ATRNL1: variants seen among roughly 807,000 people sequenced by gnomAD.
The protein encoded by ATRNL1 is attractin-like protein 1.
In ATRNL1, 95 loss-of-function variants were observed where a neutral mutation model predicts 182.7. That is an observed-to-expected ratio of 0.52 (90% CI 0.44 to 0.62). The LOEUF (loss-of-function observed/expected upper bound fraction) is 0.62, where lower values mean the gene tolerates loss of function less well. Ranked by LOEUF, ATRNL1 falls within the 20% of genes least tolerant of loss-of-function variation. The pLI is 0.00. For missense variants in ATRNL1, 1,471 were observed against 1,679.5 expected (o/e 0.88, Z 2.17); for synonymous variants, 576 against 568.3 (o/e 1.01, Z -0.19).
chr10:115,526,944 C>T (rs782764348), intron 25 of ATRNL1, among the ~76,000 whole-genome samples: 12 of 152,066 alleles, frequency 7.9e-5, no homozygotes, highest in Non-Finnish European at 1.2e-4. Context: ...TCAAAGGAGT[C>T]TTCCATCTCC....
chr10:115,580,895 C>T (rs1184051307), intron 26 of ATRNL1, among the ~76,000 whole-genome samples: 2 of 151,952 alleles, frequency 1.3e-5, no homozygotes, highest in Non-Finnish European at 2.9e-5. Flanking sequence ...CTGTTTGATG[C>T]ATTTTAATAT....
chr10:115,631,604 A>G (rs1213492225), intron 26 of ATRNL1, among the ~76,000 whole-genome samples: 2 of 152,110 alleles, frequency 1.3e-5, no homozygotes, highest in Non-Finnish European at 2.9e-5. Flanking sequence ...ACATAATTAT[A>G]TAAGCACATA....
intron 26 of ATRNL1, among the ~76,000 whole-genome samples, chr10:115,562,834 C>T (rs1030188069): frequency 4.6e-5 from 7 of 152,160 alleles, no homozygotes; most frequent in Admixed American, 4.6e-4. Context: ...ATGTCTTGCA[C>T]AAATTGGGCT....
intron 8 of ATRNL1, among the ~76,000 whole-genome samples, chr10:115,189,484 A>G (rs1170007116): frequency 6.6e-6 from 1 of 152,156 alleles, no homozygotes; most frequent in Non-Finnish European, 1.5e-5. Flanking sequence ...GAAGACAGTG[A>G]TACTGATGAT....
At chr10:115,840,107 A>G (rs1950769183) in intron 27 of ATRNL1, among the ~76,000 whole-genome samples, 1 of 152,170 alleles carries the variant, frequency 6.6e-6, no homozygotes, top group Non-Finnish European at 1.5e-5. Context: ...TCGGCAGCAT[A>G]TAATGCTTAC....
At chr10:115,261,506 CA>C (rs1422937764) in intron 10 of ATRNL1, among the ~76,000 whole-genome samples, 2 of 151,710 alleles carry the variant, frequency 1.3e-5, no homozygotes, top group Non-Finnish European at 2.9e-5. Context: ...GATGTCTTTA[CA>C]AAGTAAATGA....
Position 115,866,803 on chromosome 10 carries a change from A to C in ATRNL1, c.4018+18812A>C, listed in dbSNP as rs559135913. ...ACAAGGGATTTTAAAGAGTAATTCAAAGATCAAACATGATTTTTATCTTTT... is the reference window on the plus strand; with the variant it reads ...ACAAGGGATTTTAAAGAGTAATTCACAGATCAAACATGATTTTTATCTTTT... On this transcript the variant is annotated intron_variant, in intron 28 of 28. Transcript: ENST00000355044. Among the ~76,000 whole-genome samples the C allele has an allele frequency of 1.6e-3, 247 of 152,332 alleles. 9 individuals are homozygous for C. In the South Asian group the frequency reaches 0.049, roughly 30 times the overall value.
At chr10:115,562,804 C>T (rs1853834422) in intron 26 of ATRNL1, among the ~76,000 whole-genome samples, 1 of 152,192 alleles carries the variant, frequency 6.6e-6, no homozygotes, top group South Asian at 2.1e-4. Flanking sequence ...GTCAATTAAG[C>T]CGCTTTACCA....
At chr10:115,632,908 T>TATTTTA (rs1858609270) in intron 26 of ATRNL1, among the ~76,000 whole-genome samples, 4 of 151,538 alleles carry the variant, frequency 2.6e-5, no homozygotes, top group South Asian at 2.1e-4. Context: ...TATTTTATTT[T>TATTTTA]TTGAGACAGA....
At chr10:115,731,599 A>G (rs1947799065) in intron 27 of ATRNL1, among the ~76,000 whole-genome samples, 4 of 150,618 alleles carry the variant, frequency 2.7e-5, no homozygotes, top group Admixed American at 2.0e-4. Context: ...TTATGGAAAT[A>G]GCTTTATTGA....
chr10:115,273,746 T>C (rs550114447), intron 13 of ATRNL1, among the ~76,000 whole-genome samples: 3 of 152,262 alleles, frequency 2.0e-5, no homozygotes, highest in South Asian at 2.1e-4. Context: ...CTAGGGAACT[T>C]CTCTTGAAGT....
At chr10:115,149,519 C>G (rs1554880117) in intron 5 of ATRNL1, among the ~76,000 whole-genome samples, 2 of 151,934 alleles carry the variant, frequency 1.3e-5, no homozygotes, top group African/African-American at 2.4e-5. Context: ...TCCTTTCATG[C>G]TTAGTTTGTT....
At chr10:115,673,749 G>A (rs1479500131) in intron 26 of ATRNL1, among the ~76,000 whole-genome samples, 3 of 151,994 alleles carry the variant, frequency 2.0e-5, no homozygotes, top group Non-Finnish European at 2.9e-5. Flanking sequence ...CCCATAAACA[G>A]GTAGTCTTAT....
intron 28 of ATRNL1, among the ~76,000 whole-genome samples, chr10:115,870,860 G>A (rs1042358514): frequency 6.6e-6 from 1 of 152,102 alleles, no homozygotes; most frequent in Non-Finnish European, 1.5e-5. Flanking sequence ...GATAATAATA[G>A]TTCTTTTCTT....
intron 19 of ATRNL1, among the ~76,000 whole-genome samples, chr10:115,371,670 G>A (rs1857401778): frequency 6.6e-6 from 1 of 152,202 alleles, no homozygotes; most frequent in South Asian, 2.1e-4. Context: ...TGATTTTACA[G>A]TCTCATAGAC....
chr10:115,881,944 T>A (rs531616506), intron 28 of ATRNL1, among the ~76,000 whole-genome samples: 9 of 152,272 alleles, frequency 5.9e-5, no homozygotes, highest in Non-Finnish European at 1.0e-4. Flanking sequence ...CTCCCCTAAA[T>A]GCATACCACC....
chr10:115,777,324 A>C (rs1168968028), intron 27 of ATRNL1, among the ~76,000 whole-genome samples: 1 of 152,150 alleles, frequency 6.6e-6, no homozygotes, highest in Non-Finnish European at 1.5e-5. Context: ...GAATAAAATA[A>C]AGTATTTATA....
chr10:115,856,001 CT>C (rs1951171324), intron 28 of ATRNL1, among the ~76,000 whole-genome samples: 1 of 152,120 alleles, frequency 6.6e-6, no homozygotes, highest in African/African-American at 2.4e-5. Context: ...CAATTCTACC[CT>C]TTATGACCAG....
At chr10:115,433,284 T>A (rs531618125) in intron 21 of ATRNL1, among the ~76,000 whole-genome samples, 112 of 152,244 alleles carry the variant, frequency 7.4e-4, no homozygotes, top group African/African-American at 2.5e-3. Context: ...TGAAACCAAT[T>A]AATACTTGAA....
Sources: allele counts gnomAD v4.1 joint callset (sites outside exome capture counted in the v4.1 genomes callset), GRCh38; gene constraint gnomAD v4.1.1; transcripts MANE v1.5; gene names NCBI Gene and HGNC (gene_info 2026-07-23, HGNC 2026-07-21).